The following NFATC1 variants were observed in gnomAD, a reference collection of about 807,000 sequenced individuals.
The protein encoded by NFATC1 is nuclear factor of activated T cells 1, also known as nuclear factor of activated T-cells, cytoplasmic 1.
A neutral mutation model predicts 76.0 loss-of-function variants in NFATC1; 22 were observed. That is an observed-to-expected ratio of 0.29 (90% CI 0.21 to 0.41). The LOEUF (loss-of-function observed/expected upper bound fraction) is 0.41, where lower values mean the gene tolerates loss of function less well. Among genes scored for constraint, NFATC1 ranks in the 10% least tolerant of loss-of-function variants. The pLI, the probability that NFATC1 is intolerant of heterozygous loss-of-function variation, is 1.00. For synonymous variants in NFATC1, 704 were observed against 613.1 expected (o/e 1.15, Z -2.19); for missense variants, 1,357 against 1,337.7 (o/e 1.01, Z -0.23).
Position 79,435,301 on chromosome 18 carries a change from A to G in NFATC1, c.1386+1563A>G, listed in dbSNP as rs2144677524. On this transcript the variant is annotated intron_variant, in intron 3 of 9. Transcript: ENST00000427363. ...ACTTGGAGGGTAAAGCAGGACCATG[A>G]GTGTGGAGAGAGCTCTGAGGTTTCT... Among the ~76,000 whole-genome samples, 4 of 150,432 alleles carry G rather than the reference A, an allele frequency of 2.7e-5. No individual in the cohort carries two copies. In the South Asian group the frequency reaches 8.4e-4, roughly 32 times the overall value.
chr18:79,399,496 AG>A, intron 1 of NFATC1, among the ~76,000 whole-genome samples: 1 of 152,296 alleles, frequency 6.6e-6, no homozygotes, highest in East Asian at 1.9e-4. Flanking sequence ...TGGTGCGGAG[AG>A]CCCGGGGGAA....
In NFATC1 at chr18:79,528,480, C is replaced by T. The variant is rs529207065; in HGVS notation, c.*903C>T. On this transcript the variant is annotated 3_prime_UTR_variant, in exon 10 of 10. Coordinates refer to ENST00000427363, the MANE Select transcript of NFATC1 (RefSeq NM_001278669.2). ...CCGGCATCCGTTTTGGAACCTGCGT[C>T]TGGGGCTCCAGTCGCTGCTCTTGCT... 6.6e-6 allele frequency: 1 copy of T among 152,376 alleles called. No homozygotes were observed. The highest frequency in any genetic ancestry group is 2.1e-4 in the South Asian group (1 of 4,830). 9.4% of individuals were successfully genotyped at this position (152,376 alleles called of 1,614,324 possible). A position where few individuals can be genotyped will look rare whatever the true frequency, so the allele number is the denominator to read the frequency against.
chr18:79,435,049 C>T (rs955578889), intron 3 of NFATC1, among the ~76,000 whole-genome samples: 3 of 152,198 alleles, frequency 2.0e-5, no homozygotes, highest in Admixed American at 6.5e-5. Context: ...GCCTGCACCT[C>T]CCCATCCCTG....
chr18:79,432,061 G>C (rs1291530687), intron 2 of NFATC1, among the ~76,000 whole-genome samples: 2 of 152,212 alleles, frequency 1.3e-5, no homozygotes, highest in African/African-American at 2.4e-5. Context: ...GGGGCCTTCG[G>C]GGGGCTCGGG....
intron 7 of NFATC1, among the ~76,000 whole-genome samples, chr18:79,462,348 T>C (rs999573431): frequency 2.0e-5 from 3 of 152,184 alleles, no homozygotes; most frequent in Admixed American, 1.3e-4. Flanking sequence ...TTGTTTTTGT[T>C]TTTTTGAAAC....
intron 9 of NFATC1, among the ~76,000 whole-genome samples, chr18:79,513,603 G>T (rs538408414): frequency 6.6e-6 from 1 of 152,250 alleles, no homozygotes; most frequent in Non-Finnish European, 1.5e-5. Flanking sequence ...GTCGTCTTTC[G>T]TGGGCAGCCC....
At chr18:79,442,742 A>G (rs1235137979) in intron 3 of NFATC1, among the ~76,000 whole-genome samples, 1 of 152,140 alleles carries the variant, frequency 6.6e-6, no homozygotes, top group East Asian at 1.9e-4. Context: ...GCCTTGCTGT[A>G]GCCTGCAGGT....
At chr18:79,521,731 G>A (rs2090587385) in intron 9 of NFATC1, among the ~76,000 whole-genome samples, 1 of 86,310 alleles carries the variant, frequency 1.2e-5, no homozygotes. Flanking sequence ...GTGTCTGTGT[G>A]TGTGTGGGGT....
chr18:79,496,173 C>T (rs2089880782), intron 9 of NFATC1: 1 of 152,684 alleles, frequency 6.5e-6, no homozygotes, highest in Non-Finnish European at 1.5e-5. Flanking sequence ...GCATTGTCTC[C>T]ATTTCAAATC....
chr18:79,408,755 C>T (rs574587221), intron 1 of NFATC1, among the ~76,000 whole-genome samples: 1 of 152,106 alleles, frequency 6.6e-6, no homozygotes, highest in Non-Finnish European at 1.5e-5. Flanking sequence ...AACCATTACT[C>T]CTCCATTCCC....
intron 8 of NFATC1, among the ~76,000 whole-genome samples, chr18:79,482,511 C>G (rs2089319286): frequency 1.4e-5 from 2 of 146,824 alleles, no homozygotes; most frequent in African/African-American, 5.1e-5. Flanking sequence ...GGGTGTCATT[C>G]CAGCGTGACC....
At chr18:79,480,263 G>C (rs570423872) in intron 8 of NFATC1, among the ~76,000 whole-genome samples, 1 of 152,210 alleles carries the variant, frequency 6.6e-6, no homozygotes, top group Non-Finnish European at 1.5e-5. Context: ...TGAGAGGAGC[G>C]TGTTGCCACA....
chr18:79,448,859 G>A lies in NFATC1; in HGVS notation c.1464G>A (p.Pro488=), dbSNP rs769987603. The A allele has an allele frequency of 1.8e-5, 29 of 1,613,684 alleles. No individual in the cohort carries two copies. The highest frequency in any genetic ancestry group is 4.5e-5 in the East Asian group (2 of 44,900). Residue 488 remains proline, a synonymous_variant, in exon 4 of 10, where the codon CCG becomes CCA. Coordinates refer to ENST00000427363, the MANE Select transcript of NFATC1 (RefSeq NM_001278669.2). ...CGGCGGACGACCGCCTGCTGCGCCC[G>A]CACGCCTTCTACCAGGTGCACCGCA... The part of the protein sequence containing the change: ...IGTADDRLLR[P]HAFYQVHRIT...
In NFATC1 at chr18:79,479,385, C is replaced by T. The variant is rs529625614; in HGVS notation, c.2093-6863C>T. The stretch of plus-strand genomic sequence containing the variant: ...ACTGGGCCTGTGCGGCCCCCCTCCA[C>T]GGGTGAGACTCCCAGGCGCTCTTGC... On this transcript the variant is annotated intron_variant, in intron 8 of 9. Coordinates refer to ENST00000427363, the MANE Select transcript of NFATC1 (RefSeq NM_001278669.2). Among the ~76,000 whole-genome samples the T allele has an allele frequency of 1.1e-4, 17 of 152,254 alleles. No individual in the cohort carries two copies. The South Asian group carries it at 2.5e-3, about 22-fold the overall frequency.
chr18:79,448,490 C>T (rs1405374017), intron 3 of NFATC1: 22 of 451,386 alleles, frequency 4.9e-5, no homozygotes, highest in African/African-American at 1.8e-4. Flanking sequence ...TTCCTGCACA[C>T]GCCCCCTGCC....
At chr18:79,436,413 G>A (rs138106577) in intron 3 of NFATC1, among the ~76,000 whole-genome samples, 20 of 152,364 alleles carry the variant, frequency 1.3e-4, no homozygotes, top group East Asian at 3.9e-4. Flanking sequence ...ATTAAAGCCC[G>A]CTGTCTCCTG....
chr18:79,420,325 G>A (rs11659959), intron 2 of NFATC1, among the ~76,000 whole-genome samples: 9,975 of 142,414 alleles, frequency 0.07, 457 homozygotes, highest in Non-Finnish European at 0.099. Context: ...AGGCGACGTC[G>A]CTGCAGAGAG....
intron 3 of NFATC1, among the ~76,000 whole-genome samples, chr18:79,436,555 G>A (rs1021910327): frequency 7.9e-5 from 12 of 152,134 alleles, no homozygotes; most frequent in African/African-American, 2.2e-4. Context: ...GTCCTCCCAC[G>A]CCCGCTGTCT....
intron 9 of NFATC1, among the ~76,000 whole-genome samples, chr18:79,495,628 A>G (rs1303606457): frequency 6.6e-6 from 1 of 152,244 alleles, no homozygotes; most frequent in Non-Finnish European, 1.5e-5. Flanking sequence ...TTTTGTGCCG[A>G]AGAAAATTCA....
Sources: gnomAD v4.1 joint callset for allele counts (sites outside exome capture counted in the v4.1 genomes callset) on GRCh38, gnomAD v4.1.1 for gene constraint, MANE v1.5 for transcripts, NCBI Gene and HGNC (gene_info 2026-07-23, HGNC 2026-07-21) for gene names.